The following BUD31 variants were observed in gnomAD, a reference collection of about 807,000 sequenced individuals.
BUD31 encodes the protein protein BUD31 homolog.
A neutral mutation model predicts 17.9 loss-of-function variants in BUD31; 9 were observed. The ratio of observed to expected loss-of-function variants is 0.50; its 90% CI spans 0.30 to 0.88. The LOEUF (loss-of-function observed/expected upper bound fraction) is 0.88. Ranked by LOEUF, BUD31 falls within the 40% of genes least tolerant of loss-of-function variation. The pLI is 0.06. For synonymous variants in BUD31, 70 were observed against 64.7 expected (o/e 1.08, Z -0.39); for missense variants, 148 against 184.5 (o/e 0.80, Z 1.15).
At chr7:99,412,496 A>G (rs1045490187) in intron 3 of BUD31, among the ~76,000 whole-genome samples, 34 of 152,066 alleles carry the variant, frequency 2.2e-4, no homozygotes, top group African/African-American at 7.7e-4. Flanking sequence ...TGGTTCAATC[A>G]CAGCTCACTG....
chr7:99,411,868 G>A (rs558731707), intron 3 of BUD31: 52 of 352,120 alleles, frequency 1.5e-4, no homozygotes, highest in East Asian at 1.5e-3. Flanking sequence ...CACCATGCCC[G>A]GCTAATTTTT....
chr7:99,419,333 A>T (rs1288099111), intron 5 of BUD31, 58 bp from the exon 6 acceptor site: 1 of 1,593,842 alleles, frequency 6.3e-7, no homozygotes, highest in Non-Finnish European at 8.6e-7. Context: ...CACATATGTG[A>T]GTGTGCAGGG....
At chr7:99,411,542 A>G (rs1032211831) in intron 3 of BUD31, among the ~76,000 whole-genome samples, 1 of 152,134 alleles carries the variant, frequency 6.6e-6, no homozygotes, top group Non-Finnish European at 1.5e-5. Flanking sequence ...TTTCAGTATC[A>G]TCGATTAGTC....
At chr7:99,412,756 C>G (rs866244753) in intron 3 of BUD31, among the ~76,000 whole-genome samples, 1 of 151,642 alleles carries the variant, frequency 6.6e-6, no homozygotes, top group Non-Finnish European at 1.5e-5. Context: ...GGACTACAGG[C>G]GCCCGCCACC....
intron 2 of BUD31, 121 bp from the exon 3 acceptor site, chr7:99,410,943 A>G: frequency 1.6e-6 from 1 of 634,482 alleles, no homozygotes; most frequent in East Asian, 2.8e-5. Flanking sequence ...CTGGGTGCTG[A>G]GCCCTGTCCC....
rs1795602418 is a variant in BUD31, at chr7:99,418,009, C to T, written c.384+414C>T. The T allele has an allele frequency of 1.0e-5, 12 of 1,161,630 alleles. No individual in the cohort carries two copies. The South Asian group carries it at 1.7e-4, about 17-fold the overall frequency. 72.0% of individuals were successfully genotyped at this position (1,161,630 alleles called of 1,614,324 possible). A position where few individuals can be genotyped will look rare whatever the true frequency, so the allele number is the denominator to read the frequency against. On this transcript the variant is annotated intron_variant, in intron 5 of 5. Transcript: ENST00000222969. Reference sequence around the variant, plus strand: ...CCAAGACGGAGTCTTGCTTTGTCGCCCAGGCTGGAGTGCAGTGATGCCATC... The same window carrying T: ...CCAAGACGGAGTCTTGCTTTGTCGCTCAGGCTGGAGTGCAGTGATGCCATC...
At chr7:99,410,740 C>T (rs1795149661) in intron 2 of BUD31, among the ~76,000 whole-genome samples, 1 of 152,192 alleles carries the variant, frequency 6.6e-6, no homozygotes, top group East Asian at 1.9e-4. Flanking sequence ...CTAATGACAA[C>T]AGCAAATGTC....
chr7:99,416,408 GTGTGTGTTTGTTTTT>G, intron 4 of BUD31, 148 bp downstream of exon 4: 2 of 1,000,592 alleles, frequency 2.0e-6, no homozygotes, highest in Non-Finnish European at 2.9e-6. Context: ...TGAGTTTTGT[GTGTGTGTTTGTTTTT>G]TGTTTGTTTG....
intron 1 of BUD31, among the ~76,000 whole-genome samples, chr7:99,409,729 A>G (rs1465294574): frequency 1.8e-5 from 2 of 111,580 alleles, no homozygotes; most frequent in Non-Finnish European, 3.3e-5. Flanking sequence ...CCTCCTCTAT[A>G]TGGTTGTTTT....
intron 5 of BUD31, chr7:99,418,768 G>GC (rs1365618423): frequency 6.6e-6 from 1 of 152,554 alleles, no homozygotes; most frequent in Non-Finnish European, 1.5e-5. Flanking sequence ...GGCCAAAACA[G>GC]CCCGCTGTAG....
At position 99,409,089 on chromosome 7, in the gene BUD31, T is replaced by A. The variant is rs1296170052; in HGVS notation, c.-322T>A. On this transcript the variant is annotated 5_prime_UTR_variant, in exon 1 of 6. The change abolishes an upstream ATG in the 5' untranslated region. Transcript: ENST00000222969. ...GTCTGCACCGTCCTGGAGGGAGATA[T>A]GAGTGGCTGGACTCTCAGCCAGCCA... The A allele has an allele frequency of 2.0e-5, 3 of 152,234 alleles. No individual in the cohort carries two copies. The highest frequency in any genetic ancestry group is 2.0e-4 in the Admixed American group (3 of 15,278). The allele number at this position is 152,234 out of a possible 1,614,324, so 9.4% of individuals were successfully genotyped here.
chr7:99,419,248 C>A, intron 5 of BUD31, 143 bp from the exon 6 acceptor site: 1 of 995,118 alleles, frequency 1.0e-6, no homozygotes, highest in Non-Finnish European at 1.5e-6. Context: ...TTTTCCCTGT[C>A]CAGAGCTGTC....
At chr7:99,417,358 G>C in intron 4 of BUD31, 71 bp from the exon 5 acceptor site, 1 of 1,531,358 alleles carries the variant, frequency 6.5e-7, no homozygotes, top group Non-Finnish European at 9.0e-7. Flanking sequence ...CGGCCTGAAT[G>C]CTTTTTTTGA....
rs776141330 is a variant in BUD31 at position 99,416,150 on chromosome 7, C to T, written c.107C>T (p.Pro36Leu). ...DQKMREAETE[P>L]HEGKRKVESL... is the part of the protein sequence containing the mutation. ...TGTTTCTCCCCAGCTGAAACAGAACCGCATGAGGGAAAGAGGAAAGTGGAA... is the reference window on the plus strand; with the variant it reads ...TGTTTCTCCCCAGCTGAAACAGAACTGCATGAGGGAAAGAGGAAAGTGGAA... Residue 36 changes from proline (P) to leucine (L), a missense_variant, in exon 4 of 6, where the codon CCG becomes CTG. Transcript: ENST00000222969. The T allele has an allele frequency of 4.5e-5, 72 of 1,613,590 alleles. No individual in the cohort carries two copies. The highest frequency in any genetic ancestry group is 3.0e-4 in the South Asian group (27 of 91,076).
intron 5 of BUD31, chr7:99,417,832 A>C: frequency 6.8e-7 from 1 of 1,474,160 alleles, no homozygotes; most frequent in East Asian, 2.6e-5. Context: ...CAAATTACTG[A>C]ACCCCTTTCC....
intron 3 of BUD31, 67 bp from the exon 4 acceptor site, chr7:99,416,071 C>T (rs1005380091): frequency 8.1e-5 from 128 of 1,584,612 alleles, no homozygotes; most frequent in Non-Finnish European, 1.1e-4. Context: ...TCAGTAGTTA[C>T]TTACAAAAAG....
At chr7:99,419,201 C>T (rs773121327) in intron 5 of BUD31, 190 bp from the exon 6 acceptor site, 5 of 607,692 alleles carry the variant, frequency 8.2e-6, no homozygotes, top group Non-Finnish European at 1.5e-5. Context: ...ACCTCGGTGT[C>T]AACAGCAGCT....
intron 4 of BUD31, chr7:99,416,763 C>G (rs1270697829): frequency 6.7e-6 from 1 of 149,572 alleles, no homozygotes; most frequent in African/African-American, 2.7e-5. Context: ...CTCTGTTCCA[C>G]AGGCTGGAGT....
Position 99,414,174 on chromosome 7 carries a change from CTG to C in BUD31, c.95-1962_95-1961del, listed in dbSNP as rs1326607894. On this transcript the variant is annotated intron_variant, in intron 3 of 5. Transcript: ENST00000222969. ...TTTTTTTTTGAGACGGAATCTCACACTGTTGCCCACGCTGGAGTGCAGTGGTG... is the reference window on the plus strand; with the variant it reads ...TTTTTTTTTGAGACGGAATCTCACACTTGCCCACGCTGGAGTGCAGTGGTG... 4.0e-5 allele frequency among the ~76,000 whole-genome samples: 6 copies of C among 151,574 alleles called. No individual in the cohort carries two copies. The South Asian group carries it at 6.2e-4, about 16-fold the overall frequency.
Sources: gnomAD v4.1 joint callset for allele counts (sites outside exome capture counted in the v4.1 genomes callset) on GRCh38, gnomAD v4.1.1 for gene constraint, MANE v1.5 for transcripts, NCBI Gene and HGNC (gene_info 2026-07-23, HGNC 2026-07-21) for gene names.